ABCA9: variants seen among roughly 807,000 people sequenced by gnomAD.
ABCA9 encodes the protein ATP binding cassette subfamily A member 9.
In ABCA9, 183 loss-of-function variants were observed where a neutral mutation model predicts 205.3. That is an observed-to-expected ratio of 0.89 (90% CI 0.79 to 1.01). The LOEUF is 1.01. ABCA9 is among the 50% of genes least tolerant of loss of function. The pLI, the probability that ABCA9 is intolerant of heterozygous loss-of-function variation, is 0.00. For synonymous variants in ABCA9, 651 were observed against 683.3 expected, an observed-to-expected ratio of 0.95 and a Z score of 0.74; for missense variants, 1,805 against 1,912.4, an observed-to-expected ratio of 0.94 and a Z score of 1.05.
chr17:69,022,027 A>T (rs979432350), intron 17 of ABCA9, 166 bp from the exon 18 acceptor site: 2 of 452,044 alleles, frequency 4.4e-6, no homozygotes, highest in African/African-American at 4.1e-5. Context: ...GTTACTTTTC[A>T]TGTCTTTTTG....
At chr17:69,001,975 A>T (rs1157532054) in intron 25 of ABCA9, among the ~76,000 whole-genome samples, 532 of 151,360 alleles carry the variant, frequency 3.5e-3, no homozygotes, top group African/African-American at 0.012. Flanking sequence ...CCCCTTTATC[A>T]TTTTTTATTG....
At chr17:68,999,206 A>T (rs1389646032) in intron 25 of ABCA9, among the ~76,000 whole-genome samples, 2 of 147,494 alleles carry the variant, frequency 1.4e-5, no homozygotes, top group African/African-American at 5.0e-5. Context: ...TACATGTGCC[A>T]TGCTGGTGTG....
At chr17:69,045,973 T>C (rs1222998896) in intron 3 of ABCA9, among the ~76,000 whole-genome samples, 2 of 152,116 alleles carry the variant, frequency 1.3e-5, no homozygotes, top group African/African-American at 4.8e-5. Context: ...GCACAATGAA[T>C]TTCAAAAAAT....
At chr17:69,034,388 A>AT (rs1180162324) in intron 8 of ABCA9, among the ~76,000 whole-genome samples, 4 of 151,322 alleles carry the variant, frequency 2.6e-5, no homozygotes, top group South Asian at 4.2e-4. Flanking sequence ...TGACTGGCTA[A>AT]TTTTTTTTTA....
At chr17:68,989,193 G>T in intron 30 of ABCA9, 75 bp from the exon 31 acceptor site, 1 of 881,918 alleles carries the variant, frequency 1.1e-6, no homozygotes, top group Non-Finnish European at 1.9e-6. Context: ...TTTGAGGGCT[G>T]TGTGTCAAGT....
chr17:69,078,903 A>G, the ABCA9 span: 1 of 830,512 alleles, frequency 1.2e-6, no homozygotes, highest in Non-Finnish European at 1.8e-6. Flanking sequence ...TTAAAATTAA[A>G]CATACTATTA....
intron 36 of ABCA9, among the ~76,000 whole-genome samples, chr17:68,982,920 C>T (rs1402826614): frequency 6.6e-6 from 1 of 152,134 alleles, no homozygotes; most frequent in Non-Finnish European, 1.5e-5. Flanking sequence ...GCAGGAGGAC[C>T]ACTTGAGCCC....
At chr17:69,043,197 T>G (rs542463334) in intron 6 of ABCA9, 69 of 267,192 alleles carry the variant, frequency 2.6e-4, no homozygotes, top group African/African-American at 1.5e-3. Context: ...ATCTCTCACA[T>G]ACACAGTTCA....
chr17:69,027,497 A>G (rs1352512832), intron 13 of ABCA9, 48 bp from the exon 14 acceptor site: 2 of 1,576,748 alleles, frequency 1.3e-6, no homozygotes. Flanking sequence ...AGTTTATTTT[A>G]AAAACACTAT....
intron 19 of ABCA9, 51 bp from the exon 20 acceptor site, chr17:69,018,630 G>A (rs750896946): frequency 2.9e-6 from 4 of 1,400,568 alleles, no homozygotes; most frequent in Admixed American, 2.5e-5. Context: ...AACTTTTGTG[G>A]GTTTTTAAGT....
intron 28 of ABCA9, 104 bp downstream of exon 28, chr17:68,992,063 CTTTAAAAA>C (rs2069469983): frequency 1.5e-6 from 1 of 681,782 alleles, no homozygotes. Flanking sequence ...ATATCACAGT[CTTTAAAAA>C]CCATCCTGTG....
In ABCA9 at chr17:69,012,044, A is replaced by C. The variant is rs1598369361; in HGVS notation, c.3079T>G (p.Phe1027Val). 4.3e-6 allele frequency: 7 copies of C among 1,613,208 alleles called. No homozygotes were observed. Among genetic ancestry groups the C allele is most frequent in the Middle Eastern group, 3.3e-4 (2 of 6,078 alleles). The part of the protein sequence containing the change: ...DYEYGYRSNT[F>V]FWIPMAASFT... ...GAGGCTGCCATCGGTATCCAGAAGAAGGTGTTACTTCGGTACCCATACTCA... is the reference window on the plus strand; with the variant it reads ...GAGGCTGCCATCGGTATCCAGAAGACGGTGTTACTTCGGTACCCATACTCA... The change falls in exon 23 of 39, where the codon TTC becomes GTC. Residue 1027 changes from phenylalanine to valine, a missense_variant. Transcript: ENST00000340001.
chr17:69,033,725 C>G lies in ABCA9; in HGVS notation c.1276+1G>C, dbSNP rs147963220. ...TAAATTACAGCCATGTTAGTACTTA[C>G]CGGGCAAAATTTTGTCAAAATATAA... On this transcript the variant is annotated splice_donor_variant, in intron 9 of 38. Coordinates refer to ENST00000340001, the MANE Select transcript of ABCA9 (RefSeq NM_080283.4). LOFTEE classifies it high-confidence loss of function. 6.2e-7 allele frequency: 1 copy of G among 1,605,022 alleles called. No homozygotes were observed. Among genetic ancestry groups the G allele is most frequent in the South Asian group, 1.1e-5 (1 of 88,780 alleles).
At chr17:69,063,024 C>T (rs1705847754), upstream of ABCA9, among the ~76,000 whole-genome samples, 1 of 152,104 alleles carries the variant, frequency 6.6e-6, no homozygotes, top group South Asian at 2.1e-4. Flanking sequence ...TCTAATCAAC[C>T]CATTTTACGG....
chr17:69,007,870 G>T lies in ABCA9; in HGVS notation c.3324C>A (p.Ile1108=). ...ATGAGACATAGCCAATACTACACAG[G>T]ATCTGAAAACAGAAATGTTAAGGTC... ...IFIIQNLLIQ[I]LCSIGYVSSL... Residue 1108 remains isoleucine (I), a splice_region_variant and synonymous_variant, in exon 25 of 39, where the codon ATC becomes ATA. Transcript: ENST00000340001. 6.3e-7 allele frequency: 1 copy of T among 1,578,858 alleles called. No individual in the cohort carries two copies. Among genetic ancestry groups the T allele is most frequent in the Non-Finnish European group, 8.7e-7 (1 of 1,151,366 alleles).
intron 37 of ABCA9, 110 bp from the exon 38 acceptor site, chr17:68,976,300 A>G: frequency 1.1e-6 from 1 of 916,438 alleles, no homozygotes; most frequent in Non-Finnish European, 1.7e-6. Flanking sequence ...AAGATAAGGT[A>G]ATAAGTATTC....
chr17:69,012,198 C>T, intron 22 of ABCA9, 115 bp from the exon 23 acceptor site: 1 of 697,160 alleles, frequency 1.4e-6, no homozygotes, highest in Non-Finnish European at 2.3e-6. Context: ...AAGTGCTTCT[C>T]AAGGTCCTAT....
intron 18 of ABCA9, chr17:69,020,889 G>A (rs1170802263): frequency 1.9e-5 from 5 of 257,154 alleles, no homozygotes; most frequent in Middle Eastern, 1.4e-3. Flanking sequence ...TCTATTTGTT[G>A]TAAAAGATAA....
Position 68,984,164 on chromosome 17 carries a change from C to A in ABCA9, c.4391G>T (p.Arg1464Leu). 1.2e-6 allele frequency: 2 copies of A among 1,613,978 alleles called. No homozygotes were observed. Among genetic ancestry groups the A allele is most frequent in the Non-Finnish European group, 1.7e-6 (2 of 1,179,960 alleles). Reference sequence around the variant, plus strand: ...CCTCTCCGTGTTTCTAAAGGTGGCCCGAATCACCTGCCTAAAGTTAAGTCA... The same window carrying A: ...CCTCTCCGTGTTTCTAAAGGTGGCCAGAATCACCTGCCTAAAGTTAAGTCA... ...EGQQQMWQVI[R>L]ATFRNTERGA... Residue 1464 changes from arginine to leucine, a missense_variant, in exon 35 of 39, where the codon CGG (arginine) becomes CTG (leucine). Transcript: ENST00000340001.
Sources: gnomAD v4.1 joint callset for allele counts (sites outside exome capture counted in the v4.1 genomes callset) on GRCh38, gnomAD v4.1.1 for gene constraint, MANE v1.5 for transcripts, NCBI Gene and HGNC (gene_info 2026-07-23, HGNC 2026-07-21) for gene names.